The following OR14A2 variants were observed in gnomAD, a reference collection of about 807,000 sequenced individuals.
OR14A2 encodes olfactory receptor family 14 subfamily A member 2.
For missense variants in OR14A2, 237 were observed against 152.9 expected (o/e 1.55, Z -2.90); for synonymous variants, 114 against 58.6 (o/e 1.95, Z -4.32).
chr1:247,734,708 G>A, the OR14A2 span, among the ~76,000 whole-genome samples: 2 of 152,272 alleles, frequency 1.3e-5, no homozygotes, highest in East Asian at 1.9e-4. Flanking sequence ...TGTAGATAAT[G>A]AAGTCCTATG....
chr1:247,742,276 ACACGCACACACACACAC>A, the OR14A2 span, among the ~76,000 whole-genome samples: 2 of 138,754 alleles, frequency 1.4e-5, no homozygotes, highest in African/African-American at 5.5e-5. Flanking sequence ...ATACACACAC[ACACGCACACACACACAC>A]CATGAAGTGG....
the OR14A2 span, among the ~76,000 whole-genome samples, chr1:247,732,562 A>C: frequency 1.3e-5 from 2 of 152,196 alleles, no homozygotes; most frequent in African/African-American, 4.8e-5. Flanking sequence ...AAAACCGAGC[A>C]TGGCCTTACC....
At chr1:247,724,679 T>C (rs142701131), upstream of OR14A2, among the ~76,000 whole-genome samples, 5 of 152,242 alleles carry the variant, frequency 3.3e-5, no homozygotes, top group East Asian at 9.6e-4. Context: ...TCTCACTTAG[T>C]GTAGAAATAA....
At chr1:247,739,186 A>G in the OR14A2 span, 2 of 780,806 alleles carry the variant, frequency 2.6e-6, no homozygotes, top group African/African-American at 3.4e-5. Flanking sequence ...TCTAAAGAAC[A>G]TGCCATCATT....
At chr1:247,723,150 A>T (rs1481415334) in exon 1 of OR14A2, 2 of 717,606 alleles carry the variant, frequency 2.8e-6, no homozygotes, top group Admixed American at 4.0e-5. Flanking sequence ...ACCTTATCAG[A>T]GCACATTTCA....
At chr1:247,742,771 C>CAGG in the OR14A2 span, among the ~76,000 whole-genome samples, 2 of 151,962 alleles carry the variant, frequency 1.3e-5, no homozygotes, top group Admixed American at 1.3e-4. Flanking sequence ...AACAAAACAA[C>CAGG]AGGAGGATAC....
chr1:247,729,742 A>G, the OR14A2 span, among the ~76,000 whole-genome samples: 1 of 152,142 alleles, frequency 6.6e-6, no homozygotes, highest in African/African-American at 2.4e-5. Context: ...CAAAAACCCC[A>G]CAGAATACTA....
chr1:247,735,995 G>A, the OR14A2 span, among the ~76,000 whole-genome samples: 7 of 151,118 alleles, frequency 4.6e-5, no homozygotes, highest in Non-Finnish European at 1.0e-4. Context: ...CATTCTCACC[G>A]GCCTTTGTTA....
chr1:247,734,372 A>T, the OR14A2 span, among the ~76,000 whole-genome samples: 5 of 152,148 alleles, frequency 3.3e-5, no homozygotes, highest in Non-Finnish European at 5.9e-5. Context: ...AGAAACACCC[A>T]CTCACAGACG....
exon 1 of OR14A2, chr1:247,723,290 T>C (rs1278581290): frequency 1.4e-6 from 1 of 717,272 alleles, no homozygotes; most frequent in Non-Finnish European, 2.6e-6. Context: ...AAATAAGCAG[T>C]TATGATAAAA....
chr1:247,741,737 A>G, the OR14A2 span, among the ~76,000 whole-genome samples: 10 of 152,294 alleles, frequency 6.6e-5, no homozygotes, highest in East Asian at 1.7e-3. Context: ...TCTTGAATCT[A>G]TTGGTCATGT....
upstream of OR14A2, among the ~76,000 whole-genome samples, chr1:247,727,196 T>C (rs2103204489): frequency 6.7e-6 from 1 of 148,794 alleles, no homozygotes; most frequent in Non-Finnish European, 1.5e-5. Context: ...GTTTGTATCC[T>C]CTTTTATTTC....
the OR14A2 span, among the ~76,000 whole-genome samples, chr1:247,737,860 CCTGT>C: frequency 6.6e-6 from 1 of 152,028 alleles, no homozygotes; most frequent in Non-Finnish European, 1.5e-5. Context: ...AGTAGATATC[CCTGT>C]CTGTCGCTTC....
chr1:247,738,689 T>C, the OR14A2 span: 3 of 780,870 alleles, frequency 3.8e-6, no homozygotes, highest in Non-Finnish European at 7.2e-6. Context: ...TGAGGCTGCA[T>C]GCTTTGCTCT....
upstream of OR14A2, among the ~76,000 whole-genome samples, chr1:247,724,462 G>C (rs1399974177): frequency 6.6e-6 from 1 of 152,112 alleles, no homozygotes; most frequent in Non-Finnish European, 1.5e-5. Flanking sequence ...GATTGTGTTA[G>C]TATCCCTAAT....
chr1:247,730,835 T>G, the OR14A2 span, among the ~76,000 whole-genome samples: 1 of 152,076 alleles, frequency 6.6e-6, no homozygotes, highest in Non-Finnish European at 1.5e-5. Context: ...TCTGCCTTTT[T>G]GTTCTATTTG....
the OR14A2 span, among the ~76,000 whole-genome samples, chr1:247,732,307 T>G: frequency 1.4e-3 from 220 of 152,296 alleles, no homozygotes; most frequent in African/African-American, 5.1e-3. Context: ...ACCACTGTTG[T>G]GTTGCTGTAT....
chr1:247,747,396 C>CT, the OR14A2 span, among the ~76,000 whole-genome samples: 12 of 147,510 alleles, frequency 8.1e-5, no homozygotes, highest in South Asian at 2.6e-3. Context: ...GAGTCTCGCT[C>CT]TGTTGCCCAG....
the OR14A2 span, among the ~76,000 whole-genome samples, chr1:247,743,453 C>T: frequency 6.6e-6 from 1 of 152,206 alleles, no homozygotes; most frequent in East Asian, 1.9e-4. Context: ...AGTTTTGCAC[C>T]AATTTTTATT....
Sources: allele counts gnomAD v4.1 joint callset (sites outside exome capture counted in the v4.1 genomes callset), GRCh38; gene constraint gnomAD v4.1.1; transcripts MANE v1.5; gene names NCBI Gene and HGNC (gene_info 2026-07-23, HGNC 2026-07-21).